The following CHD8 variants were observed in gnomAD, a reference collection of about 807,000 sequenced individuals.
CHD8 encodes ATP-dependent chromatin remodeler CHD8.
Under a neutral mutation model 279.2 loss-of-function variants are expected in CHD8, and 31 were observed. The ratio of observed to expected loss-of-function variants is 0.11; its 90% CI spans 0.08 to 0.15. CHD8 has a LOEUF of 0.15. Among genes scored for constraint, CHD8 ranks in the 10% least tolerant of loss-of-function variants. The pLI is 1.00. For synonymous variants in CHD8, 1,081 were observed against 1,139.6 expected (o/e 0.95, Z 1.04); for missense variants, 2,146 against 3,230.5 (o/e 0.66, Z 8.14).
At position 21,391,067 on chromosome 14, in the gene CHD8, C is replaced by T; in HGVS notation, c.7066-4G>A. 6.6e-7 allele frequency: 1 copy of T among 1,523,286 alleles called. No homozygotes were observed. The highest frequency in any genetic ancestry group is 9.0e-7 in the Non-Finnish European group (1 of 1,114,128). 94.4% of individuals were successfully genotyped at this position (1,523,286 alleles called of 1,614,324 possible). On this transcript the variant is annotated splice_polypyrimidine_tract_variant and splice_region_variant and intron_variant, in intron 36 of 37. Transcript: ENST00000646647. Reference sequence around the variant, plus strand: ...GTTTTCTGCGATCCTCCATATACTGCAATAGAAAAAATCAGTTATCCTAGA... The same window carrying T: ...GTTTTCTGCGATCCTCCATATACTGTAATAGAAAAAATCAGTTATCCTAGA...
chr14:21,436,600 C>T (rs1286255172), intron 1 of CHD8, among the ~76,000 whole-genome samples: 1 of 152,142 alleles, frequency 6.6e-6, no homozygotes, highest in Non-Finnish European at 1.5e-5. Flanking sequence ...ATTCTCACTG[C>T]CAAATGTGTG....
Position 21,392,735 on chromosome 14 carries a change from C to T in CHD8, c.6543G>A (p.Arg2181=), listed in dbSNP as rs1887602549. Residue 2181 remains arginine (R), a synonymous_variant, in exon 34 of 38, where the codon AGG becomes AGA. Coordinates refer to ENST00000646647, the MANE Select transcript of CHD8 (RefSeq NM_001170629.2). ...TTCCTCCTGTTACCATTTCCTGGCT[C>T]CTACGGCTAGAAGGCCACTTCCCTG... is the stretch of plus-strand genomic sequence containing the variant. The part of the protein sequence containing the change: ...VLSGKWPSSR[R]SQEMVTGGIL... The T allele has an allele frequency of 3.1e-6, 5 of 1,613,968 alleles. No individual in the cohort carries two copies. The highest frequency in any genetic ancestry group is 4.2e-6 in the Non-Finnish European group (5 of 1,179,884).
rs781283503 is a variant in CHD8 at position 21,395,313 on chromosome 14, T to G, written c.5167A>C (p.Ile1723Leu). The change falls in exon 29 of 38, where the codon ATT becomes CTT. Residue 1723 changes from isoleucine to leucine, a missense_variant. Around this residue, in one of 26 missense-constraint regions of CHD8, gnomAD observed 75 missense variants for 81.3 expected, o/e 0.92. Coordinates refer to ENST00000646647, the MANE Select transcript of CHD8 (RefSeq NM_001170629.2). The part of the protein sequence containing the change: ...LMMMDEEISV[I>L]DGDEAQVTQQ... Reference sequence around the variant, plus strand: ...AGAAGTTTACCTTCATCTCCATCAATCACTGAGATCTCCTCATCCATCATC... The same window carrying G: ...AGAAGTTTACCTTCATCTCCATCAAGCACTGAGATCTCCTCATCCATCATC... 1 of 1,608,684 alleles carries G rather than the reference T, an allele frequency of 6.2e-7. No individual in the cohort carries two copies. The highest frequency in any genetic ancestry group is 1.6e-4 in the Middle Eastern group (1 of 6,062).
At chr14:21,455,605 G>GA (rs529969616) in intron 1 of CHD8, among the ~76,000 whole-genome samples, 84 of 150,596 alleles carry the variant, frequency 5.6e-4, no homozygotes, top group Middle Eastern at 3.4e-3. Flanking sequence ...AAATACAGAA[G>GA]AAAAAAAAAT....
At position 21,427,986 on chromosome 14, in the gene CHD8, T is replaced by C; in HGVS notation, c.1484A>G (p.Glu495Gly). The change falls in exon 4 of 38, where the codon GAG (glutamate) becomes GGG (glycine). Residue 495 changes from glutamate (E) to glycine (G), a missense_variant. By Grantham distance (98) the Glu-to-Gly change is moderately conservative. This residue lies in a region of CHD8 where 123 missense variants were observed against 169.2 expected (regional missense o/e 0.73). Coordinates refer to ENST00000646647, the MANE Select transcript of CHD8 (RefSeq NM_001170629.2). The part of the protein sequence containing the change: ...NEDELPSVRP[E>G]EEGEKKRRKK... ...CCTGCGTTTCTTCTCGCCTTCCTCC[T>C]CTGGCCGAACGCTGGGCAACTCGTC... The C allele has an allele frequency of 3.1e-6, 5 of 1,614,068 alleles. No homozygotes were observed. Among genetic ancestry groups the C allele is most frequent in the Non-Finnish European group, 4.2e-6 (5 of 1,179,884 alleles).
chr14:21,400,866 G>C lies in CHD8; in HGVS notation c.4370+9C>G. Reference sequence around the variant, plus strand: ...ATGCACTACCTCTAATGGTAAGTTGGGGTCTTACCCATATACCAGGAGATG... The same window carrying C: ...ATGCACTACCTCTAATGGTAAGTTGCGGTCTTACCCATATACCAGGAGATG... On this transcript the variant is annotated intron_variant, in intron 22 of 37. Coordinates refer to ENST00000646647, the MANE Select transcript of CHD8 (RefSeq NM_001170629.2). The surrounding 1 kb of genome is among the most constrained non-coding windows in gnomAD (Gnocchi z 4.2). The C allele has an allele frequency of 6.3e-7, 1 of 1,598,550 alleles. No individual in the cohort carries two copies. The highest frequency in any genetic ancestry group is 8.5e-7 in the Non-Finnish European group (1 of 1,172,840).
At chr14:21,392,465 A>G (rs777956601) in intron 34 of CHD8, 42 bp downstream of exon 34, 2 of 1,563,206 alleles carry the variant, frequency 1.3e-6, no homozygotes, top group South Asian at 1.2e-5. Context: ...CAAGGATTCC[A>G]GCCTCCTTCC....
At chr14:21,421,398 AGT>A (rs1261591095) in intron 5 of CHD8, among the ~76,000 whole-genome samples, 4 of 151,736 alleles carry the variant, frequency 2.6e-5, no homozygotes, top group South Asian at 4.2e-4. Context: ...ACTGCCATCT[AGT>A]ATTCTACTGC....
chr14:21,420,665 GGAAGTA>G (rs1181229902), intron 5 of CHD8, among the ~76,000 whole-genome samples: 2 of 152,160 alleles, frequency 1.3e-5, no homozygotes, highest in African/African-American at 2.4e-5. Context: ...AATATTTAGT[GGAAGTA>G]GAAGTAGAGT....
chr14:21,389,158 G>A (rs1887415224), intron 37 of CHD8, among the ~76,000 whole-genome samples: 1 of 151,844 alleles, frequency 6.6e-6, no homozygotes, highest in Non-Finnish European at 1.5e-5. Context: ...AAATTAGCTG[G>A]GCATGGTTGC....
chr14:21,407,837 G>A (rs909405843), intron 13 of CHD8, among the ~76,000 whole-genome samples: 8 of 152,020 alleles, frequency 5.3e-5, no homozygotes, highest in African/African-American at 1.9e-4. Flanking sequence ...TAGAACTCCC[G>A]GCCTCAGGTA....
chr14:21,408,255 C>T lies in CHD8; in HGVS notation c.2730+57G>A. 1 of 1,579,506 alleles carries T rather than the reference C, an allele frequency of 6.3e-7. No homozygotes were observed. Among genetic ancestry groups the T allele is most frequent in the Admixed American group, 1.7e-5 (1 of 59,026 alleles). The stretch of plus-strand genomic sequence containing the variant: ...CTATTCATATATAGCCCTTAAAATA[C>T]CAGGTACCTTGGCCGACTTTCTCTA... On this transcript the variant is annotated intron_variant, in intron 13 of 37. Coordinates refer to ENST00000646647, the MANE Select transcript of CHD8 (RefSeq NM_001170629.2). This position sits in a 1 kb window ranked among gnomAD's most constrained non-coding sequence, Gnocchi z 4.3.
At chr14:21,414,716 A>T in intron 8 of CHD8, 1 of 606,150 alleles carries the variant, frequency 1.6e-6, no homozygotes, top group East Asian at 2.8e-5. Flanking sequence ...ATCACATGAC[A>T]TTTTATCAGG....
At position 21,432,348 on chromosome 14, in the gene CHD8, C is replaced by T. The variant is rs568768619; in HGVS notation, c.-215-490G>A. Among the ~76,000 whole-genome samples the T allele has an allele frequency of 1.1e-4, 16 of 152,074 alleles. No homozygotes were observed. In the East Asian group the frequency reaches 3.1e-3, roughly 29 times the overall value. On this transcript the variant is annotated intron_variant, in intron 1 of 37. Coordinates refer to ENST00000646647, the MANE Select transcript of CHD8 (RefSeq NM_001170629.2). ...CAAAAATAACCACCTTTAACCAAGG[C>T]TTATAGTACAATCTCACCAAAGTGA... is the stretch of plus-strand genomic sequence containing the variant.
chr14:21,411,392 G>C (rs1016830320), intron 10 of CHD8, among the ~76,000 whole-genome samples: 1 of 152,194 alleles, frequency 6.6e-6, no homozygotes, highest in Non-Finnish European at 1.5e-5. Context: ...GAGGCTCTGA[G>C]TGAACCTGAA....
intron 5 of CHD8, among the ~76,000 whole-genome samples, chr14:21,417,555 T>C (rs1237687775): frequency 6.6e-6 from 1 of 151,876 alleles, no homozygotes; most frequent in Non-Finnish European, 1.5e-5. Flanking sequence ...GTCTCTATTT[T>C]ATACAAAATA....
chr14:21,404,542 CAA>C (rs1390134524), intron 16 of CHD8, among the ~76,000 whole-genome samples: 1 of 152,014 alleles, frequency 6.6e-6, no homozygotes, highest in African/African-American at 2.4e-5. Context: ...TATCAGCACC[CAA>C]AAGAGACAGA....
intron 10 of CHD8, among the ~76,000 whole-genome samples, chr14:21,410,919 T>C (rs966313836): frequency 4.6e-5 from 7 of 152,284 alleles, no homozygotes; most frequent in African/African-American, 1.4e-4. Flanking sequence ...TTTGTCCAGG[T>C]CACATATTTC....
At chr14:21,420,998 G>A (rs559619747) in intron 5 of CHD8, among the ~76,000 whole-genome samples, 1 of 152,274 alleles carries the variant, frequency 6.6e-6, no homozygotes, top group Non-Finnish European at 1.5e-5. Context: ...CCGACCTCAG[G>A]TGATCCACCT....
Sources: allele counts gnomAD v4.1 joint callset (sites outside exome capture counted in the v4.1 genomes callset), GRCh38; gene constraint gnomAD v4.1.1; regional missense constraint gnomAD v4.1.1; non-coding constraint Gnocchi (gnomAD v3.1); transcripts MANE v1.5; gene names NCBI Gene and HGNC (gene_info 2026-07-23, HGNC 2026-07-21).